The following TRA2B variants were observed in gnomAD, a reference collection of about 807,000 sequenced individuals.
The protein encoded by TRA2B is transformer-2 protein homolog beta.
Under a neutral mutation model 41.7 loss-of-function variants are expected in TRA2B, and 14 were observed. The ratio of observed to expected loss-of-function variants is 0.34; its 90% CI spans 0.22 to 0.53. The LOEUF (loss-of-function observed/expected upper bound fraction) is 0.53. Ranked by LOEUF, TRA2B falls within the 20% of genes least tolerant of loss-of-function variation. The pLI, the probability that TRA2B is intolerant of heterozygous loss-of-function variation, is 0.95. For missense variants in TRA2B, 167 were observed against 396.8 expected (o/e 0.42, Z 4.92); for synonymous variants, 130 against 128.8 (o/e 1.01, Z -0.06).
chr3:185,935,612 T>G, intron 1 of TRA2B: 1 of 985,424 alleles, frequency 1.0e-6, no homozygotes, highest in Non-Finnish European at 1.2e-6. Flanking sequence ...TGATTTACAT[T>G]AAGACCCAGT....
rs745993627 is a variant in TRA2B, at chr3:185,921,066, T to A, written c.722+38A>T. ...CATAGTGCTGCTCTGTACACTGTAC[T>A]GAGATTCAGACGTTGACCTTTCTAC... On this transcript the variant is annotated intron_variant, in intron 6 of 8. Coordinates refer to ENST00000453386, the MANE Select transcript of TRA2B (RefSeq NM_004593.3). 8 of 1,540,270 alleles carry A rather than the reference T, an allele frequency of 5.2e-6. No homozygotes were observed. In the East Asian group the frequency reaches 1.8e-4, roughly 35 times the overall value.
chr3:185,917,078 T>G lies in TRA2B; in HGVS notation c.*637A>C, dbSNP rs1462669022. ...CTGTGTAACTCTTCGTATTTCCTGCTATACATATTACAGATTACATAAAAG... is the reference window on the plus strand; with the variant it reads ...CTGTGTAACTCTTCGTATTTCCTGCGATACATATTACAGATTACATAAAAG... On this transcript the variant is annotated 3_prime_UTR_variant, in exon 9 of 9. Coordinates refer to ENST00000453386, the MANE Select transcript of TRA2B (RefSeq NM_004593.3). 6.6e-6 allele frequency: 1 copy of G among 152,330 alleles called. No homozygotes were observed. The highest frequency in any genetic ancestry group is 1.5e-5 in the Non-Finnish European group (1 of 68,054). The allele number at this position is 152,330 out of a possible 1,614,324, so 9.4% of individuals were successfully genotyped here.
chr3:185,931,322 T>C (rs531186683), intron 1 of TRA2B, among the ~76,000 whole-genome samples: 88 of 152,194 alleles, frequency 5.8e-4, no homozygotes, highest in Non-Finnish European at 1.0e-3. Flanking sequence ...AGGTAAAGTT[T>C]ATCTAGAGAG....
intron 1 of TRA2B, chr3:185,931,720 C>A: frequency 7.1e-7 from 1 of 1,412,588 alleles, no homozygotes; most frequent in Non-Finnish European, 9.2e-7. Context: ...AGTGGGACTT[C>A]TGGTCTGATA....
rs928281065 is a variant in TRA2B, at chr3:185,917,444, T to C, written c.*271A>G. 3.7e-5 allele frequency: 16 copies of C among 433,556 alleles called. No homozygotes were observed. Among genetic ancestry groups the C allele is most frequent in the Admixed American group, 8.6e-5 (2 of 23,308 alleles). 26.9% of individuals were successfully genotyped at this position (433,556 alleles called of 1,614,324 possible). A position where few individuals can be genotyped will look rare whatever the true frequency, so the allele number is the denominator to read the frequency against. ...ACCTTTTAAATGAAGTTTTGTACAATAGAAACTTCTCAGCAGTCAAAATTT... is the reference window on the plus strand; with the variant it reads ...ACCTTTTAAATGAAGTTTTGTACAACAGAAACTTCTCAGCAGTCAAAATTT... On this transcript the variant is annotated 3_prime_UTR_variant, in exon 9 of 9. Coordinates refer to ENST00000453386, the MANE Select transcript of TRA2B (RefSeq NM_004593.3).
intron 6 of TRA2B, among the ~76,000 whole-genome samples, chr3:185,920,175 C>CT (rs1432100627): frequency 3.3e-5 from 5 of 152,300 alleles, no homozygotes; most frequent in Admixed American, 1.3e-4. Context: ...AAATTAACAT[C>CT]TTTAAAATTA....
intron 1 of TRA2B, chr3:185,937,092 C>G: frequency 2.0e-6 from 2 of 985,442 alleles, no homozygotes; most frequent in Non-Finnish European, 2.4e-6. Context: ...TGTGGTCTGT[C>G]CTAATAGAAT....
At position 185,914,760 on chromosome 3, in the gene TRA2B, G is replaced by A. The variant is rs1578466959; in HGVS notation, c.*2955C>T. Among the ~76,000 whole-genome samples, 1 of 147,552 alleles carries A rather than the reference G, an allele frequency of 6.8e-6. No individual in the cohort carries two copies. Among genetic ancestry groups the A allele is most frequent in the African/African-American group, 2.6e-5 (1 of 38,502 alleles). On this transcript the variant is annotated 3_prime_UTR_variant, in exon 9 of 9. Transcript: ENST00000453386. ...CATGCTGAAGGAATATTGGAGGCGTGTCCACTGCTAATAAATCCAGCCTAA... is the reference window on the plus strand; with the variant it reads ...CATGCTGAAGGAATATTGGAGGCGTATCCACTGCTAATAAATCCAGCCTAA...
chr3:185,924,890 A>T (rs939272691), intron 3 of TRA2B: 12 of 152,188 alleles, frequency 7.9e-5, no homozygotes, highest in African/African-American at 2.7e-4. Flanking sequence ...GAATTTACCT[A>T]AAGATTCCAT....
At position 185,926,522 on chromosome 3, in the gene TRA2B, T is replaced by C. The variant is rs955754194; in HGVS notation, c.170+79A>G. The C allele has an allele frequency of 2.5e-6, 4 of 1,573,252 alleles. No homozygotes were observed. In the African/African-American group the frequency reaches 4.1e-5, roughly 16 times the overall value. On this transcript the variant is annotated intron_variant, in intron 2 of 8. Transcript: ENST00000453386. Reference sequence around the variant, plus strand: ...TAGGCCAACAAATAATCTAACCCTCTCTACCTTCCTGGTTTACAAAACACG... The same window carrying C: ...TAGGCCAACAAATAATCTAACCCTCCCTACCTTCCTGGTTTACAAAACACG...
chr3:185,921,774 A>C (rs74932773), intron 5 of TRA2B, among the ~76,000 whole-genome samples: 8,395 of 152,166 alleles, frequency 0.055, 417 homozygotes, highest in East Asian at 0.22. Context: ...AAAACAAAAC[A>C]AAAACAAAAC....
chr3:185,934,836 T>C (rs1463589552), intron 1 of TRA2B: 3 of 985,436 alleles, frequency 3.0e-6, no homozygotes, highest in Non-Finnish European at 3.6e-6. Flanking sequence ...TGATAAAGAT[T>C]ACGTGCCTAT....
chr3:185,933,012 T>C (rs78765210), intron 1 of TRA2B, among the ~76,000 whole-genome samples: 1 of 152,170 alleles, frequency 6.6e-6, no homozygotes, highest in Non-Finnish European at 1.5e-5. Context: ...AATCCGAAAA[T>C]TTTTAAATAT....
intron 1 of TRA2B, chr3:185,936,286 G>A (rs1744352296): frequency 1.0e-6 from 1 of 985,258 alleles, no homozygotes; most frequent in Admixed American, 6.1e-5. Flanking sequence ...AACTGCCAAT[G>A]ATCAGAAGTC....
intron 1 of TRA2B, among the ~76,000 whole-genome samples, chr3:185,932,535 A>C (rs1042796331): frequency 2.6e-5 from 4 of 152,198 alleles, no homozygotes; most frequent in Non-Finnish European, 5.9e-5. Context: ...AAAGCAGAAC[A>C]AACTTGAATC....
intron 1 of TRA2B, among the ~76,000 whole-genome samples, chr3:185,933,018 AAT>A (rs1491585034): frequency 2.6e-5 from 4 of 152,170 alleles, no homozygotes; most frequent in East Asian, 1.9e-4. Flanking sequence ...AAAATTTTTA[AAT>A]ATGTTTTTAT....
intron 1 of TRA2B, chr3:185,937,097 T>A: frequency 1.0e-6 from 1 of 985,470 alleles, no homozygotes; most frequent in Non-Finnish European, 1.2e-6. Context: ...TCTGTCCTAA[T>A]AGAATACTGA....
Position 185,915,402 on chromosome 3 carries a change from C to CA in TRA2B, c.*2312dup, listed in dbSNP as rs1416334006. Among the ~76,000 whole-genome samples, 7 of 152,156 alleles carry CA rather than the reference C, an allele frequency of 4.6e-5. No homozygotes were observed. Among genetic ancestry groups the CA allele is most frequent in the Admixed American group, 2.0e-4 (3 of 15,280 alleles). On this transcript the variant is annotated 3_prime_UTR_variant, in exon 9 of 9. Coordinates refer to ENST00000453386, the MANE Select transcript of TRA2B (RefSeq NM_004593.3). ...GCCTTGAGGCAGTAACTTTAAGACT[C>CA]AAATTTATCCTTTCCCATGGCTTTT...
chr3:185,915,686 A>G lies in TRA2B; in HGVS notation c.*2029T>C, dbSNP rs1363512386. Among the ~76,000 whole-genome samples the G allele has an allele frequency of 3.3e-5, 5 of 152,192 alleles. No individual in the cohort carries two copies. Among genetic ancestry groups the G allele is most frequent in the African/African-American group, 1.2e-4 (5 of 41,448 alleles). On this transcript the variant is annotated 3_prime_UTR_variant, in exon 9 of 9. Transcript: ENST00000453386. ...CCAGAAAACAACTCAAACTAGCCTAAAAAAGGAAACTTTCAATCAGCAGGA... is the reference window on the plus strand; with the variant it reads ...CCAGAAAACAACTCAAACTAGCCTAGAAAAGGAAACTTTCAATCAGCAGGA...
Sources: gnomAD v4.1 joint callset for allele counts (sites outside exome capture counted in the v4.1 genomes callset) on GRCh38, gnomAD v4.1.1 for gene constraint, MANE v1.5 for transcripts, NCBI Gene and HGNC (gene_info 2026-07-23, HGNC 2026-07-21) for gene names.